The following HECW1 variants were observed in gnomAD, a reference collection of about 807,000 sequenced individuals.
The protein encoded by HECW1 is HECT, C2 and WW domain containing E3 ubiquitin protein ligase 1.
HECW1 carries 61 observed loss-of-function variants against 182.3 expected under a neutral mutation model. That is an observed-to-expected ratio of 0.33 (90% CI 0.27 to 0.41). HECW1 has a LOEUF of 0.41. Among genes scored for constraint, HECW1 ranks in the 10% least tolerant of loss-of-function variants. HECW1 has a pLI of 1.00. For missense variants in HECW1, 1,739 were observed against 2,108.9 expected (o/e 0.82, Z 3.44); for synonymous variants, 859 against 832.6 (o/e 1.03, Z -0.55).
intron 5 of HECW1, among the ~76,000 whole-genome samples, chr7:43,325,232 A>G (rs1459149879): frequency 6.6e-6 from 1 of 152,266 alleles, no homozygotes; most frequent in Non-Finnish European, 1.5e-5. Flanking sequence ...GAACACTGAC[A>G]GAAGACAGAA....
chr7:43,163,700 G>A (rs2152659530), intron 2 of HECW1, among the ~76,000 whole-genome samples: 1 of 152,206 alleles, frequency 6.6e-6, no homozygotes, highest in Non-Finnish European at 1.5e-5. Context: ...CCCCCAAATG[G>A]CTCTGCTTTA....
Position 43,267,604 on chromosome 7 carries a change from T to C in HECW1, c.27+23672T>C, listed in dbSNP as rs78916460. Among the ~76,000 whole-genome samples, 817 of 151,674 alleles carry C rather than the reference T, an allele frequency of 5.4e-3. 5 individuals carry two copies. Among genetic ancestry groups the C allele is most frequent in the African/African-American group, 0.019 (786 of 41,422 alleles). On this transcript the variant is annotated intron_variant, in intron 3 of 29. Transcript: ENST00000395891. ...TAAATAACTAAAATATAAGAAGAAA[T>C]TAATAAACTATAAACAAAATATAGT...
intron 5 of HECW1, among the ~76,000 whole-genome samples, chr7:43,322,624 T>C (rs1810270641): frequency 1.3e-5 from 2 of 152,170 alleles, no homozygotes; most frequent in Middle Eastern, 3.4e-3. Context: ...ACCTAACAAA[T>C]AGCATCATTC....
intron 2 of HECW1, among the ~76,000 whole-genome samples, chr7:43,209,937 A>G (rs915357611): frequency 6.6e-6 from 1 of 152,232 alleles, no homozygotes; most frequent in African/African-American, 2.4e-5. Flanking sequence ...GAGGTACTCA[A>G]TATGTCAGAG....
chr7:43,296,240 A>G (rs1487021900), intron 3 of HECW1, among the ~76,000 whole-genome samples: 4 of 152,270 alleles, frequency 2.6e-5, no homozygotes, highest in Admixed American at 2.6e-4. Context: ...ATATTTCTGC[A>G]TAATTATTCT....
intron 7 of HECW1, among the ~76,000 whole-genome samples, chr7:43,405,034 A>G (rs2075559478): frequency 2.0e-5 from 3 of 152,188 alleles, no homozygotes; most frequent in Non-Finnish European, 4.4e-5. Context: ...GGCGGGTTCA[A>G]ATCTCATCTC....
In HECW1 at chr7:43,119,789, G is replaced by T. The variant is rs376724455; in HGVS notation, c.-32+5398G>T. On this transcript the variant is annotated intron_variant, in intron 2 of 29. Coordinates refer to ENST00000395891, the MANE Select transcript of HECW1 (RefSeq NM_015052.5). Reference sequence around the variant, plus strand: ...AGGTCAAATACCTGTGAGTCCCTCTGACTTTTTTCTCACCCAGATCCAGCT... The same window carrying T: ...AGGTCAAATACCTGTGAGTCCCTCTTACTTTTTTCTCACCCAGATCCAGCT... 3.9e-5 allele frequency among the ~76,000 whole-genome samples: 6 copies of T among 152,214 alleles called. No individual in the cohort carries two copies. In the South Asian group the frequency reaches 1.0e-3, roughly 26 times the overall value.
At chr7:43,292,802 G>A (rs1256531960) in intron 3 of HECW1, among the ~76,000 whole-genome samples, 1 of 152,176 alleles carries the variant, frequency 6.6e-6, no homozygotes, top group African/African-American at 2.4e-5. Context: ...ATAGTACAAG[G>A]CAAAATCTGG....
intron 2 of HECW1, among the ~76,000 whole-genome samples, chr7:43,136,204 A>T (rs2152627094): frequency 6.6e-6 from 1 of 152,272 alleles, no homozygotes; most frequent in Admixed American, 6.5e-5. Flanking sequence ...ACTACTATAG[A>T]CAGGATGAGG....
intron 18 of HECW1, among the ~76,000 whole-genome samples, chr7:43,492,476 C>A (rs566555094): frequency 4.7e-4 from 72 of 152,246 alleles, no homozygotes; most frequent in African/African-American, 1.7e-3. Flanking sequence ...TAATCCCGTG[C>A]ACAAGAGCAA....
At chr7:43,201,151 T>C (rs114196393) in intron 2 of HECW1, among the ~76,000 whole-genome samples, 354 of 152,286 alleles carry the variant, frequency 2.3e-3, no homozygotes, top group African/African-American at 8.1e-3. Flanking sequence ...CACACACTGG[T>C]CCTTGGTGTT....
chr7:43,234,055 C>T (rs74914304), intron 2 of HECW1, among the ~76,000 whole-genome samples: 4 of 152,290 alleles, frequency 2.6e-5, no homozygotes, highest in East Asian at 1.9e-4. Flanking sequence ...GCAAGAGCAG[C>T]GTGCAATATA....
At chr7:43,310,124 T>C (rs1808314890) in intron 3 of HECW1, among the ~76,000 whole-genome samples, 1 of 152,228 alleles carries the variant, frequency 6.6e-6, no homozygotes, top group African/African-American at 2.4e-5. Flanking sequence ...AAGATGGTAT[T>C]AGCCCACTTA....
intron 3 of HECW1, among the ~76,000 whole-genome samples, chr7:43,291,144 G>T (rs759151325): frequency 1.3e-5 from 2 of 152,190 alleles, no homozygotes; most frequent in African/African-American, 4.8e-5. Flanking sequence ...AATAGCACTC[G>T]AACATAAATT....
At chr7:43,361,030 C>T (rs1343225561) in intron 6 of HECW1, 50 bp downstream of exon 6, 4 of 1,318,192 alleles carry the variant, frequency 3.0e-6, no homozygotes, top group Non-Finnish European at 4.3e-6. Context: ...GGTCTTTCTT[C>T]ACTTTCCTAT....
At chr7:43,398,610 C>A (rs891319983) in intron 7 of HECW1, among the ~76,000 whole-genome samples, 1 of 150,848 alleles carries the variant, frequency 6.6e-6, no homozygotes, top group Non-Finnish European at 1.5e-5. Flanking sequence ...TATATCTAGG[C>A]TGAAGAAAAA....
At chr7:43,149,418 T>C (rs1583696771) in intron 2 of HECW1, among the ~76,000 whole-genome samples, 2 of 152,354 alleles carry the variant, frequency 1.3e-5, no homozygotes, top group East Asian at 3.9e-4. Context: ...CCAGAATTTT[T>C]TGAAATGTCC....
intron 13 of HECW1, among the ~76,000 whole-genome samples, chr7:43,457,623 A>C (rs1008743955): frequency 6.6e-6 from 1 of 152,082 alleles, no homozygotes; most frequent in Non-Finnish European, 1.5e-5. Context: ...GAATGCAAAA[A>C]AATTAGCCAA....
chr7:43,252,285 C>T (rs998201141), intron 3 of HECW1, among the ~76,000 whole-genome samples: 3 of 152,108 alleles, frequency 2.0e-5, no homozygotes, highest in Non-Finnish European at 2.9e-5. Flanking sequence ...AGTCAGTATC[C>T]GTGTCAGTGA....
Sources: allele counts gnomAD v4.1 joint callset (sites outside exome capture counted in the v4.1 genomes callset), GRCh38; gene constraint gnomAD v4.1.1; transcripts MANE v1.5; gene names NCBI Gene and HGNC (gene_info 2026-07-23, HGNC 2026-07-21).